Variants in STARD13 observed in about 807,000 individuals in gnomAD.
STARD13 encodes stAR-related lipid transfer protein 13.
A neutral mutation model predicts 106.4 loss-of-function variants in STARD13; 62 were observed. The observed-to-expected ratio is 0.58, with a 90% CI of 0.48 to 0.72. The LOEUF is 0.72. STARD13 is among the 30% of genes least tolerant of loss of function. The pLI is 0.00. For missense variants in STARD13, 1,387 were observed against 1,424.0 expected (o/e 0.97, Z 0.42); for synonymous variants, 565 against 553.0 (o/e 1.02, Z -0.31).
rs535042457 is a variant in STARD13, at chr13:33,254,210, A to G, written c.169+31260T>C. 2.0e-5 allele frequency among the ~76,000 whole-genome samples: 3 copies of G among 152,326 alleles called. No individual in the cohort carries two copies. The East Asian group carries it at 5.8e-4, about 29-fold the overall frequency. ...AGCGGACTGAGGTCAGAGGCACAGCATGAGGTCAAGTCAGCGGCAAAGAGG... is the reference window on the plus strand; with the variant it reads ...AGCGGACTGAGGTCAGAGGCACAGCGTGAGGTCAAGTCAGCGGCAAAGAGG... On this transcript the variant is annotated intron_variant, in intron 1 of 13. Transcript: ENST00000336934.
the STARD13 span, among the ~76,000 whole-genome samples, chr13:33,449,098 T>C: frequency 6.6e-6 from 1 of 151,942 alleles, no homozygotes; most frequent in African/African-American, 2.4e-5. Context: ...AAAAAATAGG[T>C]TGATGTAATC....
intron 1 of STARD13, among the ~76,000 whole-genome samples, chr13:33,202,921 T>C (rs1459288690): frequency 6.6e-6 from 1 of 152,118 alleles, no homozygotes; most frequent in Non-Finnish European, 1.5e-5. Flanking sequence ...AAAAAAGAGC[T>C]AAGAGAAGCC....
chr13:33,369,254 GC>G, the STARD13 span, among the ~76,000 whole-genome samples: 1 of 151,698 alleles, frequency 6.6e-6, no homozygotes, highest in Non-Finnish European at 1.5e-5. Context: ...GAGACATTTG[GC>G]AGGTGCCTCT....
the STARD13 span, among the ~76,000 whole-genome samples, chr13:33,363,722 G>T: frequency 6.6e-5 from 10 of 152,300 alleles, no homozygotes; most frequent in East Asian, 1.9e-3. Flanking sequence ...CAAAGTAACA[G>T]TTTTATTCCT....
chr13:33,424,987 T>G, the STARD13 span, among the ~76,000 whole-genome samples: 2 of 152,212 alleles, frequency 1.3e-5, no homozygotes, highest in South Asian at 2.1e-4. Flanking sequence ...AGTTTGTTAC[T>G]TTGAGCTGCT....
At chr13:33,627,831 G>T in the STARD13 span, among the ~76,000 whole-genome samples, 2 of 151,970 alleles carry the variant, frequency 1.3e-5, no homozygotes, top group Non-Finnish European at 2.9e-5. Flanking sequence ...CTGCACCGTG[G>T]GGCTCCTGCC....
At chr13:33,556,723 A>G in the STARD13 span, among the ~76,000 whole-genome samples, 1 of 152,186 alleles carries the variant, frequency 6.6e-6, no homozygotes, top group African/African-American at 2.4e-5. Flanking sequence ...TGCATTAAAG[A>G]CTTAGGGAGG....
the STARD13 span, among the ~76,000 whole-genome samples, chr13:33,519,047 C>G: frequency 6.6e-6 from 1 of 152,006 alleles, no homozygotes; most frequent in Admixed American, 6.6e-5. Context: ...GCTTAACAAG[C>G]CTGCATACCT....
At chr13:33,178,227 C>T (rs1429734206) in intron 1 of STARD13, among the ~76,000 whole-genome samples, 1 of 152,162 alleles carries the variant, frequency 6.6e-6, no homozygotes, top group Non-Finnish European at 1.5e-5. Flanking sequence ...GCATTTTGAA[C>T]ATCTTTTTAT....
the STARD13 span, among the ~76,000 whole-genome samples, chr13:33,646,751 T>C: frequency 6.6e-6 from 1 of 151,584 alleles, no homozygotes; most frequent in Admixed American, 6.6e-5. Context: ...AGGAGGAGAG[T>C]GTTAAGATAT....
chr13:33,666,836 C>T, the STARD13 span, among the ~76,000 whole-genome samples: 11 of 152,180 alleles, frequency 7.2e-5, no homozygotes, highest in Non-Finnish European at 1.3e-4. Flanking sequence ...ATGTGATCCA[C>T]CTTCCTCAGC....
chr13:33,621,744 T>G, the STARD13 span, among the ~76,000 whole-genome samples: 1 of 151,818 alleles, frequency 6.6e-6, no homozygotes, highest in Admixed American at 6.6e-5. Flanking sequence ...AGAATTGAAT[T>G]TATAATTCAA....
At chr13:33,232,976 C>A (rs982023065) in intron 1 of STARD13, among the ~76,000 whole-genome samples, 5 of 152,200 alleles carry the variant, frequency 3.3e-5, no homozygotes, top group Admixed American at 3.3e-4. Flanking sequence ...TCTTCTCTGG[C>A]AATACTTGTT....
chr13:33,111,225 C>T (rs1020778802), intron 10 of STARD13, among the ~76,000 whole-genome samples: 1 of 152,174 alleles, frequency 6.6e-6, no homozygotes, highest in Non-Finnish European at 1.5e-5. Flanking sequence ...GACAACTTTA[C>T]CCACTATGAA....
the STARD13 span, chr13:33,659,829 T>C: frequency 6.6e-6 from 1 of 152,206 alleles, no homozygotes. Flanking sequence ...GTCTCTCGCT[T>C]ACCCCTCAAC....
At chr13:33,664,658 G>A in the STARD13 span, among the ~76,000 whole-genome samples, 3 of 152,112 alleles carry the variant, frequency 2.0e-5, no homozygotes, top group Non-Finnish European at 2.9e-5. Context: ...ATGGAGTCTC[G>A]GTCTGTTATC....
At chr13:33,645,123 G>A in the STARD13 span, among the ~76,000 whole-genome samples, 1 of 152,042 alleles carries the variant, frequency 6.6e-6, no homozygotes, top group Non-Finnish European at 1.5e-5. Context: ...TTGACCCTTG[G>A]CTGGCATTGT....
intron 1 of STARD13, among the ~76,000 whole-genome samples, chr13:33,192,454 A>G (rs949608964): frequency 1.3e-5 from 2 of 152,208 alleles, no homozygotes; most frequent in African/African-American, 4.8e-5. Context: ...AAGCCATTCA[A>G]TTGTTTTTCT....
At chr13:33,211,485 AC>A (rs1364961604) in intron 1 of STARD13, among the ~76,000 whole-genome samples, 4 of 152,186 alleles carry the variant, frequency 2.6e-5, no homozygotes, top group Non-Finnish European at 4.4e-5. Context: ...GATATCAGAC[AC>A]CAAGGGGGAT....
Sources: gnomAD v4.1 joint callset for allele counts (sites outside exome capture counted in the v4.1 genomes callset) on GRCh38, gnomAD v4.1.1 for gene constraint, MANE v1.5 for transcripts, NCBI Gene and HGNC (gene_info 2026-07-23, HGNC 2026-07-21) for gene names.